Variants in CSRNP3 observed in about 807,000 individuals in gnomAD.
The protein encoded by CSRNP3 is cysteine and serine rich nuclear protein 3.
In CSRNP3, 12 loss-of-function variants were observed where a neutral mutation model predicts 48.0. That is an observed-to-expected ratio of 0.25 (90% CI 0.16 to 0.41). The LOEUF (loss-of-function observed/expected upper bound fraction) is 0.41. Among genes scored for constraint, CSRNP3 ranks in the 10% least tolerant of loss-of-function variants. The pLI, the probability that CSRNP3 is intolerant of heterozygous loss-of-function variation, is 1.00. For missense variants in CSRNP3, 580 were observed against 724.4 expected (o/e 0.80, Z 2.29); for synonymous variants, 263 against 269.7 (o/e 0.98, Z 0.24).
At chr2:165,641,195 C>T (rs1481942462) in intron 4 of CSRNP3, among the ~76,000 whole-genome samples, 1 of 152,150 alleles carries the variant, frequency 6.6e-6, no homozygotes, top group African/African-American at 2.4e-5. Context: ...TTAAACCAGA[C>T]CACAACAATG....
intron 4 of CSRNP3, among the ~76,000 whole-genome samples, chr2:165,604,910 T>C (rs1014891334): frequency 6.6e-6 from 1 of 152,234 alleles, no homozygotes; most frequent in Non-Finnish European, 1.5e-5. Flanking sequence ...TATTTCAGCC[T>C]ACTGAGATTT....
At chr2:165,565,171 C>T (rs941845434) in intron 3 of CSRNP3, among the ~76,000 whole-genome samples, 7 of 151,942 alleles carry the variant, frequency 4.6e-5, no homozygotes, top group South Asian at 2.1e-4. Context: ...CGGTTGTCAG[C>T]GAAAGTTATC....
intron 3 of CSRNP3, among the ~76,000 whole-genome samples, chr2:165,549,307 T>C (rs941464486): frequency 9.2e-5 from 14 of 152,130 alleles, no homozygotes; most frequent in African/African-American, 3.1e-4. Context: ...ATAAATGCTT[T>C]TCCAAGATTC....
intron 5 of CSRNP3, among the ~76,000 whole-genome samples, chr2:165,669,722 GTC>G (rs571465943): frequency 2.0e-5 from 3 of 152,134 alleles, no homozygotes; most frequent in Non-Finnish European, 4.4e-5. Context: ...TTTGTAGAGA[GTC>G]TGAACAAGTT....
chr2:165,562,059 T>A (rs1244503420), intron 3 of CSRNP3, among the ~76,000 whole-genome samples: 2 of 152,168 alleles, frequency 1.3e-5, no homozygotes, highest in Admixed American at 1.3e-4. Flanking sequence ...AGTAGTATTA[T>A]GTATTTGCTG....
intron 1 of CSRNP3, among the ~76,000 whole-genome samples, chr2:165,489,624 G>A (rs1425435445): frequency 0.018 from 1,848 of 103,756 alleles, no homozygotes; most frequent in Non-Finnish European, 0.024. Flanking sequence ...TCATCCCTGG[G>A]ATGCAAGGCT....
At chr2:165,666,812 G>T (rs138761558) in intron 5 of CSRNP3, among the ~76,000 whole-genome samples, 2,637 of 144,116 alleles carry the variant, frequency 0.018, 50 homozygotes, top group African/African-American at 0.065. Flanking sequence ...GAGGAAGAAA[G>T]AAAGAGAGAG....
intron 3 of CSRNP3, among the ~76,000 whole-genome samples, chr2:165,522,380 C>T (rs1684674886): frequency 6.6e-6 from 1 of 152,064 alleles, no homozygotes; most frequent in Non-Finnish European, 1.5e-5. Flanking sequence ...TGAAACTCAC[C>T]TCTATTTGAT....
intron 3 of CSRNP3, among the ~76,000 whole-genome samples, chr2:165,529,287 T>G (rs1684782124): frequency 6.6e-6 from 1 of 152,156 alleles, no homozygotes; most frequent in Non-Finnish European, 1.5e-5. Context: ...CACCCAAATT[T>G]CATGTTGAAT....
At chr2:165,628,833 A>G (rs1238691485) in intron 4 of CSRNP3, among the ~76,000 whole-genome samples, 1 of 152,232 alleles carries the variant, frequency 6.6e-6, no homozygotes, top group Non-Finnish European at 1.5e-5. Flanking sequence ...TGGGAGGCCA[A>G]GGCGGGAGGA....
At chr2:165,559,960 C>T (rs999292403) in intron 3 of CSRNP3, among the ~76,000 whole-genome samples, 2 of 151,886 alleles carry the variant, frequency 1.3e-5, no homozygotes, top group Non-Finnish European at 1.5e-5. Context: ...CCACCAAGCC[C>T]GACTAATTTT....
At chr2:165,485,979 T>A (rs1392001747) in intron 1 of CSRNP3, among the ~76,000 whole-genome samples, 1 of 152,096 alleles carries the variant, frequency 6.6e-6, no homozygotes, top group African/African-American at 2.4e-5. Context: ...GGTCTACAGC[T>A]CCCAGCGTGA....
chr2:165,635,222 G>T (rs1686607779), intron 4 of CSRNP3, among the ~76,000 whole-genome samples: 1 of 152,210 alleles, frequency 6.6e-6, no homozygotes, highest in Non-Finnish European at 1.5e-5. Context: ...CTTATTTTCT[G>T]TTTGAAAAGC....
At chr2:165,505,948 A>G (rs1032056602) in intron 2 of CSRNP3, among the ~76,000 whole-genome samples, 1 of 152,198 alleles carries the variant, frequency 6.6e-6, no homozygotes, top group Admixed American at 6.5e-5. Flanking sequence ...GCCCTATACT[A>G]TCTATCTTAG....
At chr2:165,562,827 AAT>A (rs1685251531) in intron 3 of CSRNP3, among the ~76,000 whole-genome samples, 1 of 152,196 alleles carries the variant, frequency 6.6e-6, no homozygotes, top group African/African-American at 2.4e-5. Flanking sequence ...AGTGTCATAA[AAT>A]TTATAGTAGA....
chr2:165,638,036 CA>C lies in CSRNP3; in HGVS notation c.149-19720del, dbSNP rs1015245279. 1.2e-4 allele frequency among the ~76,000 whole-genome samples: 18 copies of C among 152,144 alleles called. No individual in the cohort carries two copies. The East Asian group carries it at 3.5e-3, about 29-fold the overall frequency. ...AAAATCTTATTAATTTTATTGGCTA[CA>C]AAAATATCCCAATATATATAGTACA... is the stretch of plus-strand genomic sequence containing the variant. On this transcript the variant is annotated intron_variant, in intron 4 of 6. Transcript: ENST00000651982.
At chr2:165,652,718 A>G (rs1332931606) in intron 4 of CSRNP3, among the ~76,000 whole-genome samples, 3 of 151,740 alleles carry the variant, frequency 2.0e-5, no homozygotes, top group East Asian at 2.0e-4. Flanking sequence ...AAGTTTTTGT[A>G]TTTTTGGCAG....
chr2:165,485,263 G>A lies in CSRNP3; in HGVS notation c.-282-9496G>A, dbSNP rs377112115. On this transcript the variant is annotated intron_variant, in intron 1 of 6. Transcript: ENST00000651982. ...TGCAAGTATTTTCAGAGCTTCCAAG[G>A]CATAGAAGTATAAATGTGAGCAAAT... 5.9e-5 allele frequency among the ~76,000 whole-genome samples: 9 copies of A among 152,156 alleles called. No individual in the cohort carries two copies. The South Asian group carries it at 1.0e-3, about 18-fold the overall frequency.
chr2:165,597,807 T>C (rs1685837204), intron 4 of CSRNP3, among the ~76,000 whole-genome samples: 1 of 152,050 alleles, frequency 6.6e-6, no homozygotes, highest in South Asian at 2.1e-4. Flanking sequence ...TTTTAAAGCA[T>C]TTAACAACAA....
Sources: allele counts gnomAD v4.1 joint callset (sites outside exome capture counted in the v4.1 genomes callset), GRCh38; gene constraint gnomAD v4.1.1; transcripts MANE v1.5; gene names NCBI Gene and HGNC (gene_info 2026-07-23, HGNC 2026-07-21).